The following IL5RA variants were observed in gnomAD, a reference collection of about 807,000 sequenced individuals.
The protein encoded by IL5RA is interleukin 5 receptor subunit alpha, also known as interleukin-5 receptor subunit alpha.
Under a neutral mutation model 50.0 loss-of-function variants are expected in IL5RA, and 49 were observed. The ratio of observed to expected loss-of-function variants is 0.98; its 90% confidence interval spans 0.78 to 1.24. The LOEUF (loss-of-function observed/expected upper bound fraction) is 1.24. Among genes scored for constraint, IL5RA ranks in the 50% most tolerant of loss-of-function variants. IL5RA has a pLI of 0.00. For synonymous variants in IL5RA, 202 were observed against 174.0 expected, an observed-to-expected ratio of 1.16 and a Z score of -1.26; for missense variants, 600 against 500.4, an observed-to-expected ratio of 1.20 and a Z score of -1.90.
intron 9 of IL5RA, among the ~76,000 whole-genome samples, chr3:3,078,153 G>C (rs994324439): frequency 2.0e-5 from 3 of 152,156 alleles, no homozygotes. Flanking sequence ...ACCGCACCAG[G>C]AGAAAAGGTT....
chr3:3,074,328 A>G (rs975068218), intron 11 of IL5RA, among the ~76,000 whole-genome samples: 2 of 152,260 alleles, frequency 1.3e-5, no homozygotes, highest in African/African-American at 4.8e-5. Context: ...TACCAGAAAG[A>G]AATTCAGAAC....
At chr3:3,077,749 C>A (rs1482473506) in intron 9 of IL5RA, among the ~76,000 whole-genome samples, 1 of 152,034 alleles carries the variant, frequency 6.6e-6, no homozygotes, top group Non-Finnish European at 1.5e-5. Flanking sequence ...GTCTGGGGGA[C>A]AGAATGAGAC....
intron 9 of IL5RA, among the ~76,000 whole-genome samples, chr3:3,086,212 C>G (rs73805624): frequency 0.017 from 2,622 of 152,304 alleles, 80 homozygotes; most frequent in African/African-American, 0.06. Context: ...ACATAAGTCT[C>G]TTTTCCTCAA....
At chr3:3,100,467 C>A (rs1198947677) in intron 5 of IL5RA, among the ~76,000 whole-genome samples, 1 of 152,080 alleles carries the variant, frequency 6.6e-6, no homozygotes, top group Non-Finnish European at 1.5e-5. Context: ...TACTTTTGCA[C>A]CAACCTAATA....
intron 9 of IL5RA, among the ~76,000 whole-genome samples, chr3:3,087,000 G>A (rs1702892306): frequency 6.6e-6 from 1 of 152,146 alleles, no homozygotes; most frequent in South Asian, 2.1e-4. Context: ...ACTTATAAAT[G>A]GGAGCTAAGC....
At chr3:3,101,544 G>C (rs1703652764) in intron 5 of IL5RA, 148 bp downstream of exon 5, 2 of 680,134 alleles carry the variant, frequency 2.9e-6, no homozygotes, top group Admixed American at 3.2e-5. Context: ...AGTGGCAGCA[G>C]CCTTGGTTAG....
At chr3:3,100,984 A>T (rs1424498851) in intron 5 of IL5RA, among the ~76,000 whole-genome samples, 1 of 56,086 alleles carries the variant, frequency 1.8e-5, no homozygotes, top group Non-Finnish European at 3.9e-5. Context: ...CCATCTCAAT[A>T]ATAATAATAA....
At chr3:3,106,395 C>G (rs556584606) in intron 2 of IL5RA, among the ~76,000 whole-genome samples, 1 of 152,180 alleles carries the variant, frequency 6.6e-6, no homozygotes, top group East Asian at 1.9e-4. Flanking sequence ...GCTGAACTTA[C>G]TAATGAAATT....
chr3:3,087,602 A>G (rs1206622608), intron 9 of IL5RA, among the ~76,000 whole-genome samples: 1 of 149,832 alleles, frequency 6.7e-6, no homozygotes, highest in Non-Finnish European at 1.5e-5. Flanking sequence ...GTCATTTAGT[A>G]TCTCAGGACC....
intron 11 of IL5RA, 24 bp from the exon 12 acceptor site, chr3:3,070,335 T>C (rs746502322): frequency 6.6e-7 from 1 of 1,521,930 alleles, no homozygotes; most frequent in Non-Finnish European, 9.1e-7. Context: ...CATCTTTCCT[T>C]AGATGTCTTT....
chr3:3,069,994 C>G lies in IL5RA; in HGVS notation c.*231G>C. On this transcript the variant is annotated 3_prime_UTR_variant, in exon 12 of 12. Coordinates refer to ENST00000446632, the MANE Select transcript of IL5RA (RefSeq NM_175726.4). ...CCCTGTACGGCATGGGGAGAAAAAA[C>G]ATGGCAAAATGCTTGGATGAGTCAA... 2.2e-6 allele frequency: 1 copy of G among 445,992 alleles called. No homozygotes were observed. The highest frequency in any genetic ancestry group is 4.0e-6 in the Non-Finnish European group (1 of 248,554). The allele number at this position is 445,992 out of a possible 1,614,324, so 27.6% of individuals were successfully genotyped here.
intron 9 of IL5RA, among the ~76,000 whole-genome samples, chr3:3,082,601 T>C (rs1479489441): frequency 6.6e-6 from 1 of 152,224 alleles, no homozygotes; most frequent in East Asian, 1.9e-4. Flanking sequence ...AATAAGCCAA[T>C]AGTCTGCTAT....
intron 5 of IL5RA, among the ~76,000 whole-genome samples, 153 bp from the exon 6 acceptor site, chr3:3,098,443 TG>T (rs1381413213): frequency 6.6e-6 from 1 of 152,168 alleles, no homozygotes; most frequent in Non-Finnish European, 1.5e-5. Flanking sequence ...AGCCTCACTC[TG>T]TCACCCAGGC....
chr3:3,077,506 G>A lies in IL5RA; in HGVS notation c.995-879C>T, dbSNP rs372078836. Among the ~76,000 whole-genome samples the A allele has an allele frequency of 3.8e-4, 58 of 152,224 alleles. 2 individuals are homozygous for A. In the South Asian group the frequency reaches 0.011, roughly 30 times the overall value. ...ACTCAAGCCAAGTGCAGTGGCTCAC[G>A]CCTGTAAATCCAAGCACTTTGGGAG... On this transcript the variant is annotated intron_variant, in intron 9 of 11. Coordinates refer to ENST00000446632, the MANE Select transcript of IL5RA (RefSeq NM_175726.4).
At chr3:3,071,555 G>GTA (rs1702297043) in intron 11 of IL5RA, among the ~76,000 whole-genome samples, 1 of 26,306 alleles carries the variant, frequency 3.8e-5, no homozygotes, top group Admixed American at 3.0e-4. Flanking sequence ...CCTTCACAGT[G>GTA]TGTGTGTGTG....
At chr3:3,082,969 G>A (rs568755865) in intron 9 of IL5RA, among the ~76,000 whole-genome samples, 1 of 152,274 alleles carries the variant, frequency 6.6e-6, no homozygotes, top group Admixed American at 6.5e-5. Context: ...TAAATTGATG[G>A]GATGCTTCCA....
chr3:3,070,575 CT>C lies in IL5RA; in HGVS notation c.1177-265del, dbSNP rs71058670. On this transcript the variant is annotated intron_variant, in intron 11 of 11. Coordinates refer to ENST00000446632, the MANE Select transcript of IL5RA (RefSeq NM_175726.4). ...TACTTGAAGTCATATGGATACACAT[CT>C]TTTTTTTTTTTTTTTTTTTTTTTTA... Among the ~76,000 whole-genome samples, 690 of 84,868 alleles carry C rather than the reference CT, an allele frequency of 8.1e-3. 2 individuals are homozygous for C. The highest frequency in any genetic ancestry group is 0.032 in the African/African-American group (597 of 18,426). 55.7% of individuals were successfully genotyped at this position (84,868 alleles called of 152,430 possible). A position where few individuals can be genotyped will look rare whatever the true frequency, so the allele number is the denominator to read the frequency against.
Position 3,070,856 on chromosome 3 carries a change from C to G in IL5RA, c.1177-545G>C, listed in dbSNP as rs181590945. Among the ~76,000 whole-genome samples, 134 of 152,230 alleles carry G rather than the reference C, an allele frequency of 8.8e-4. 1 individual carries two copies. Among genetic ancestry groups the G allele is most frequent in the African/African-American group, 3.0e-3 (125 of 41,534 alleles). Reference sequence around the variant, plus strand: ...TCGGCCTCCCAAAATGCTGGGATTACAGGCATGAGCCACCACGCCCGGCCG... The same window carrying G: ...TCGGCCTCCCAAAATGCTGGGATTAGAGGCATGAGCCACCACGCCCGGCCG... On this transcript the variant is annotated intron_variant, in intron 11 of 11. Transcript: ENST00000446632.
rs1165732193 is a variant in IL5RA at position 3,067,076 on chromosome 3, T to G, written c.*3149A>C. On this transcript the variant is annotated 3_prime_UTR_variant, in exon 12 of 12. Transcript: ENST00000446632. ...GCTGCTGATGGTGTTTACTGTTAAG[T>G]GAATTTCAAACTCTTTGACTTGCTA... is the stretch of plus-strand genomic sequence containing the variant. The G allele has an allele frequency of 6.6e-6, 1 of 152,248 alleles. No individual in the cohort carries two copies. Among genetic ancestry groups the G allele is most frequent in the East Asian group, 1.9e-4 (1 of 5,200 alleles). 9.4% of individuals were successfully genotyped at this position (152,248 alleles called of 1,614,324 possible). A position where few individuals can be genotyped will look rare whatever the true frequency, so the allele number is the denominator to read the frequency against.
Sources: allele counts gnomAD v4.1 joint callset (sites outside exome capture counted in the v4.1 genomes callset), GRCh38; gene constraint gnomAD v4.1.1; transcripts MANE v1.5; gene names NCBI Gene and HGNC (gene_info 2026-07-23, HGNC 2026-07-21).